Variants in MCC observed in about 807,000 individuals in gnomAD.
MCC encodes the protein MCC regulator of Wnt signaling pathway.
In MCC, 90 loss-of-function variants were observed where a neutral mutation model predicts 116.2. That is an observed-to-expected ratio of 0.77 (90% CI 0.65 to 0.92). The LOEUF is 0.92. Among genes scored for constraint, MCC ranks in the 40% least tolerant of loss-of-function variants. MCC has a pLI of 0.00. For missense variants in MCC, 1,516 were observed against 1,312.2 expected (o/e 1.16, Z -2.40); for synonymous variants, 578 against 510.5 (o/e 1.13, Z -1.78).
intron 3 of MCC, among the ~76,000 whole-genome samples, chr5:113,201,236 T>C (rs957354979): frequency 3.3e-5 from 5 of 151,876 alleles, no homozygotes; most frequent in Non-Finnish European, 5.9e-5. Flanking sequence ...AAATACAAAA[T>C]TAGCTAGGTG....
At chr5:113,089,397 C>T (rs1463922817) in intron 8 of MCC, among the ~76,000 whole-genome samples, 1 of 152,166 alleles carries the variant, frequency 6.6e-6, no homozygotes, top group Non-Finnish European at 1.5e-5. Context: ...TCTGGTATTT[C>T]TTCAAGGGTT....
At chr5:113,407,796 C>T (rs866799853) in intron 1 of MCC, among the ~76,000 whole-genome samples, 141 of 151,962 alleles carry the variant, frequency 9.3e-4, no homozygotes, top group African/African-American at 3.3e-3. Flanking sequence ...TCCCTTCCCT[C>T]GCACCTCTCC....
At chr5:113,041,716 C>T (rs368722028) in intron 17 of MCC, among the ~76,000 whole-genome samples, 2 of 152,222 alleles carry the variant, frequency 1.3e-5, no homozygotes, top group South Asian at 2.1e-4. Context: ...ATGGGATGGC[C>T]GGGTGCAGTG....
At chr5:113,353,103 C>T (rs1252643612) in intron 2 of MCC, among the ~76,000 whole-genome samples, 1 of 152,156 alleles carries the variant, frequency 6.6e-6, no homozygotes, top group African/African-American at 2.4e-5. Flanking sequence ...CCAGGCTGAC[C>T]TTCTGTATCT....
In MCC at chr5:113,257,954, G is replaced by A. The variant is rs536996545; in HGVS notation, c.627+82565C>T. Among the ~76,000 whole-genome samples the A allele has an allele frequency of 3.9e-4, 59 of 152,302 alleles. No homozygotes were observed. The South Asian group carries it at 0.012, about 31-fold the overall frequency. On this transcript the variant is annotated intron_variant, in intron 3 of 18. Transcript: ENST00000408903. ...AGCAGTGCAGAAACTTGCAGGTCTG[G>A]TGACAAGCTGAGGAAGCCACAACTC...
chr5:113,080,427 C>G (rs10053994), intron 11 of MCC, among the ~76,000 whole-genome samples: 69,314 of 152,038 alleles, frequency 0.46, 17,368 homozygotes, highest in African/African-American at 0.69. Context: ...TGATAGACTG[C>G]ATTAAGAAAA....
chr5:113,290,783 G>A (rs1766465015), intron 3 of MCC, among the ~76,000 whole-genome samples: 1 of 152,198 alleles, frequency 6.6e-6, no homozygotes, highest in African/African-American at 2.4e-5. Flanking sequence ...TCTTGATCAT[G>A]GGGGAGAGAG....
intron 3 of MCC, among the ~76,000 whole-genome samples, chr5:113,329,339 C>T (rs370560439): frequency 1.6e-4 from 24 of 152,046 alleles, no homozygotes; most frequent in African/African-American, 4.3e-4. Context: ...CATCTTATCT[C>T]CCACCTGGGC....
At chr5:113,333,856 T>TATATGTACATATGTAC (rs1554076909) in intron 3 of MCC, among the ~76,000 whole-genome samples, 4 of 100,888 alleles carry the variant, frequency 4.0e-5, no homozygotes, top group Non-Finnish European at 7.3e-5. Context: ...TATATGTACA[T>TATATGTACATATGTAC]ATATGTATAT....
intron 3 of MCC, among the ~76,000 whole-genome samples, chr5:113,312,547 G>C (rs1767160994): frequency 6.6e-6 from 1 of 152,182 alleles, no homozygotes; most frequent in African/African-American, 2.4e-5. Flanking sequence ...GAAGGTCAAT[G>C]CAGCTGGAGA....
At position 113,076,890 on chromosome 5, in the gene MCC, G is replaced by A. The variant is rs144296045; in HGVS notation, c.1785-5656C>T. On this transcript the variant is annotated intron_variant, in intron 11 of 18. Transcript: ENST00000408903. ...TTGGATAAAGAGTCAAGACCCATGA[G>A]TGTGCTGTATTCAAGAAACCCATCT... Among the ~76,000 whole-genome samples, 1,130 of 152,340 alleles carry A rather than the reference G, an allele frequency of 7.4e-3. 8 individuals are homozygous for A. The highest frequency in any genetic ancestry group is 0.028 in the South Asian group (135 of 4,832).
At chr5:113,303,933 G>A (rs1215694540) in intron 3 of MCC, among the ~76,000 whole-genome samples, 4 of 152,160 alleles carry the variant, frequency 2.6e-5, no homozygotes, top group Non-Finnish European at 4.4e-5. Context: ...AGGTTTTCAG[G>A]CTTGAGCCAC....
chr5:113,140,081 T>C (rs979821771), intron 5 of MCC, among the ~76,000 whole-genome samples: 10 of 152,232 alleles, frequency 6.6e-5, no homozygotes, highest in Non-Finnish European at 1.2e-4. Context: ...CCGAGTTTTA[T>C]TAAATGTAAA....
chr5:113,112,182 G>A (rs1190279717), intron 6 of MCC, among the ~76,000 whole-genome samples: 1 of 152,178 alleles, frequency 6.6e-6, no homozygotes, highest in Non-Finnish European at 1.5e-5. Context: ...CACACTAGTG[G>A]TTAGGTATTT....
At chr5:113,212,305 T>A (rs934009071) in intron 3 of MCC, among the ~76,000 whole-genome samples, 2 of 152,184 alleles carry the variant, frequency 1.3e-5, no homozygotes, top group African/African-American at 4.8e-5. Flanking sequence ...TACACATTTC[T>A]TGCTCACTAA....
chr5:113,223,867 C>T (rs761885521), intron 3 of MCC, among the ~76,000 whole-genome samples: 111 of 152,070 alleles, frequency 7.3e-4, no homozygotes, highest in Non-Finnish European at 1.3e-3. Flanking sequence ...TAGCCCAAAA[C>T]TGGCACTCCC....
At chr5:113,276,378 G>C (rs532301814) in intron 3 of MCC, among the ~76,000 whole-genome samples, 1 of 152,230 alleles carries the variant, frequency 6.6e-6, no homozygotes, top group Admixed American at 6.5e-5. Context: ...GGGGCATCAA[G>C]GTACCCTTGT....
chr5:113,215,053 T>G (rs10070231), intron 3 of MCC, among the ~76,000 whole-genome samples: 3 of 146,238 alleles, frequency 2.1e-5, no homozygotes, highest in Non-Finnish European at 4.4e-5. Flanking sequence ...AACACAATCC[T>G]CATCTCTCCC....
intron 2 of MCC, among the ~76,000 whole-genome samples, chr5:113,377,581 G>A (rs192686887): frequency 8.5e-5 from 13 of 152,242 alleles, no homozygotes; most frequent in Admixed American, 8.5e-4. Context: ...AAGAGATGAG[G>A]GAGGATCCAT....
Sources: gnomAD v4.1 joint callset for allele counts (sites outside exome capture counted in the v4.1 genomes callset) on GRCh38, gnomAD v4.1.1 for gene constraint, MANE v1.5 for transcripts, NCBI Gene and HGNC (gene_info 2026-07-23, HGNC 2026-07-21) for gene names.